The following TFDP1 variants were observed in gnomAD, a reference collection of about 807,000 sequenced individuals.
TFDP1 encodes DRTF1-polypeptide 1.
In TFDP1, 6 loss-of-function variants were observed where a neutral mutation model predicts 48.0. The ratio of observed to expected loss-of-function variants is 0.13; its 90% CI spans 0.07 to 0.25. The LOEUF (loss-of-function observed/expected upper bound fraction) is 0.25, where lower values mean the gene tolerates loss of function less well. TFDP1 is among the 10% of genes least tolerant of loss of function. The pLI, the probability that TFDP1 is intolerant of heterozygous loss-of-function variation, is 1.00. For synonymous variants in TFDP1, 201 were observed against 211.6 expected, an observed-to-expected ratio of 0.95 and a Z score of 0.44; for missense variants, 335 against 543.0, an observed-to-expected ratio of 0.62 and a Z score of 3.81.
intron 3 of TFDP1, among the ~76,000 whole-genome samples, chr13:113,612,979 C>T (rs529721641): frequency 1.3e-4 from 20 of 151,858 alleles, no homozygotes; most frequent in Admixed American, 8.5e-4. Flanking sequence ...CCTCCCCTGC[C>T]CTCACCTGGT....
At position 113,623,185 on chromosome 13, in the gene TFDP1, G is replaced by T. The variant is rs145127789; in HGVS notation, c.85G>T (p.Val29Leu). 1.2e-6 allele frequency: 2 copies of T among 1,612,760 alleles called. No homozygotes were observed. The highest frequency in any genetic ancestry group is 1.1e-5 in the South Asian group (1 of 90,754). ...DQNLSPGKGVVSLVAVHPSTV... is the reference protein window; with the variant it reads ...DQNLSPGKGVLSLVAVHPSTV... ...CTGGTGTCCTTGTGTTGCAGGCGTG[G>T]TGTCCCTCGTGGCCGTTCACCCCTC... is the stretch of plus-strand genomic sequence containing the variant. Residue 29 changes from valine (V) to leucine (L), a missense_variant, in exon 4 of 12, where the codon GTG becomes TTG. Coordinates refer to ENST00000375370, the MANE Select transcript of TFDP1 (RefSeq NM_007111.5). The surrounding 1 kb of genome is among the most constrained non-coding windows in gnomAD (Gnocchi z 5.2).
At chr13:113,632,741 G>A (rs375968166) in intron 5 of TFDP1, among the ~76,000 whole-genome samples, 45 of 152,304 alleles carry the variant, frequency 3.0e-4, no homozygotes, top group African/African-American at 1.1e-3. Context: ...TGGCGCCACC[G>A]CACTCCAGCC....
At chr13:113,597,961 C>T (rs2048325969) in intron 2 of TFDP1, among the ~76,000 whole-genome samples, 1 of 152,190 alleles carries the variant, frequency 6.6e-6, no homozygotes, top group South Asian at 2.1e-4. Flanking sequence ...GTCTCCGAGG[C>T]AGCAGGCCTC....
chr13:113,637,846 G>T lies in TFDP1; in HGVS notation c.1035G>T (p.Val345=), dbSNP rs200035867. The change falls in exon 11 of 12, where the codon GTG becomes GTT. Residue 345 remains valine, a synonymous_variant. Transcript: ENST00000375370. ...TEMAQGTVGG[V]FITTAGSTSN... ...TGGCTCAGGGAACTGTTGGAGGCGTGTTCATCACGACGGCAGGTTCCACGT... is the reference window on the plus strand; with the variant it reads ...TGGCTCAGGGAACTGTTGGAGGCGTTTTCATCACGACGGCAGGTTCCACGT... 7 of 1,614,098 alleles carry T rather than the reference G, an allele frequency of 4.3e-6. No individual in the cohort carries two copies. In the African/African-American group the frequency reaches 8.0e-5, roughly 18 times the overall value.
Position 113,636,756 on chromosome 13 carries a change from C to A in TFDP1, c.1006+56C>A. 8.9e-6 allele frequency: 14 copies of A among 1,570,248 alleles called. No homozygotes were observed. In the South Asian group the frequency reaches 1.5e-4, roughly 17 times the overall value. On this transcript the variant is annotated intron_variant, in intron 10 of 11. Transcript: ENST00000375370. ...TGTGTGAGGAATGGCCCCCAGCCTC[C>A]GACGGTGCCCTCCCCTCCCGGCTCG...
At chr13:113,609,207 G>A (rs1244185855) in intron 2 of TFDP1, among the ~76,000 whole-genome samples, 1 of 152,192 alleles carries the variant, frequency 6.6e-6, no homozygotes, top group African/African-American at 2.4e-5. Context: ...TGCGTCACAC[G>A]CCGTCTGTGG....
At chr13:113,638,183 C>T (rs908964109) in intron 11 of TFDP1, among the ~76,000 whole-genome samples, 7 of 152,216 alleles carry the variant, frequency 4.6e-5, no homozygotes, top group Non-Finnish European at 7.3e-5. Context: ...CTCCTGTCCC[C>T]GGCAGCCCAA....
At chr13:113,592,746 A>G (rs1004185164) in intron 2 of TFDP1, among the ~76,000 whole-genome samples, 2 of 152,236 alleles carry the variant, frequency 1.3e-5, no homozygotes, top group African/African-American at 4.8e-5. Flanking sequence ...CCCAGGTGAC[A>G]GGTGTGGCAT....
intron 2 of TFDP1, among the ~76,000 whole-genome samples, chr13:113,610,331 A>G (rs1476408327): frequency 6.7e-6 from 1 of 149,928 alleles, no homozygotes; most frequent in Non-Finnish European, 1.5e-5. Flanking sequence ...GTGTGACTGT[A>G]CTGTCATGCG....
chr13:113,602,985 A>AAAAAAAAC (rs58126506), intron 2 of TFDP1, among the ~76,000 whole-genome samples: 3 of 146,950 alleles, frequency 2.0e-5, no homozygotes, highest in Non-Finnish European at 4.5e-5. Context: ...AAAAAAAAAA[A>AAAAAAAAC]ACGTATAATT....
At chr13:113,597,918 G>A (rs1198693618) in intron 2 of TFDP1, among the ~76,000 whole-genome samples, 2 of 152,204 alleles carry the variant, frequency 1.3e-5, no homozygotes, top group East Asian at 1.9e-4. Context: ...ATGATTGAGG[G>A]GGTGGCAGGT....
In TFDP1 at chr13:113,627,312, C is replaced by G. The variant is rs2049205853; in HGVS notation, c.186+4026C>G. On this transcript the variant is annotated intron_variant, in intron 4 of 11. Transcript: ENST00000375370. The surrounding 1 kb of genome is among the most constrained non-coding windows in gnomAD (Gnocchi z 4.1). Reference sequence around the variant, plus strand: ...GGTGCTGCAGAGCTCAGCACGCGCACAGGAACGTGTGCGGGACAGAGGACA... The same window carrying G: ...GGTGCTGCAGAGCTCAGCACGCGCAGAGGAACGTGTGCGGGACAGAGGACA... 6.6e-6 allele frequency among the ~76,000 whole-genome samples: 1 copy of G among 152,132 alleles called. No homozygotes were observed. Among genetic ancestry groups the G allele is most frequent in the Non-Finnish European group, 1.5e-5 (1 of 68,014 alleles).
chr13:113,612,862 G>A (rs958121975), intron 3 of TFDP1, among the ~76,000 whole-genome samples: 1 of 152,202 alleles, frequency 6.6e-6, no homozygotes, highest in South Asian at 2.1e-4. Flanking sequence ...CAGCAGGGCC[G>A]TGCATTTCCC....
At chr13:113,636,745 C>T (rs749267122) in intron 10 of TFDP1, 45 bp downstream of exon 10, 5 of 1,585,742 alleles carry the variant, frequency 3.2e-6, no homozygotes, top group Admixed American at 3.5e-5. Flanking sequence ...TGAGGAATGG[C>T]CCCCAGCCTC....
chr13:113,606,950 G>T (rs1430640883), intron 2 of TFDP1, among the ~76,000 whole-genome samples: 1 of 152,192 alleles, frequency 6.6e-6, no homozygotes, highest in East Asian at 1.9e-4. Context: ...TGGAAATTAA[G>T]GTTGAGACTG....
intron 2 of TFDP1, among the ~76,000 whole-genome samples, chr13:113,586,608 C>T (rs951088063): frequency 3.9e-5 from 6 of 152,204 alleles, no homozygotes; most frequent in African/African-American, 9.7e-5. Context: ...ACCTACTTAC[C>T]GCACAGAGTT....
rs889024868 is a variant in TFDP1, at chr13:113,627,966, G to A, written c.187-3657G>A. Among the ~76,000 whole-genome samples the A allele has an allele frequency of 6.6e-6, 1 of 152,334 alleles. No homozygotes were observed. The highest frequency in any genetic ancestry group is 6.5e-5 in the Admixed American group (1 of 15,306). ...CTCCTGGGGGAGGAGGGTTGGTCTC[G>A]GGCAAGGTGGACCTCCGGCAGGTCC... is the stretch of plus-strand genomic sequence containing the variant. On this transcript the variant is annotated intron_variant, in intron 4 of 11. Transcript: ENST00000375370. The surrounding 1 kb of genome is among the most constrained non-coding windows in gnomAD (Gnocchi z 4.1).
rs2049389850 is a variant in TFDP1 at position 113,633,417 on chromosome 13, A to C, written c.474+132A>C. The C allele has an allele frequency of 2.7e-6, 3 of 1,108,462 alleles. No individual in the cohort carries two copies. Among genetic ancestry groups the C allele is most frequent in the Non-Finnish European group, 3.9e-6 (3 of 771,694 alleles). The allele number at this position is 1,108,462 out of a possible 1,614,324, so 68.7% of individuals were successfully genotyped here. A position where few individuals can be genotyped will look rare whatever the true frequency, so the allele number is the denominator to read the frequency against. ...AGTACAGCATAAAAGAATTTTTACC[A>C]AACGAGTCAGTAAGTGTGTGCCGGG... On this transcript the variant is annotated intron_variant, in intron 6 of 11. Coordinates refer to ENST00000375370, the MANE Select transcript of TFDP1 (RefSeq NM_007111.5). This position sits in a 1 kb window ranked among gnomAD's most constrained non-coding sequence, Gnocchi z 4.5.
In TFDP1 at chr13:113,633,794, C is replaced by T. The variant is rs1034700416; in HGVS notation, c.475-96C>T. 1.5e-5 allele frequency: 21 copies of T among 1,446,140 alleles called. No homozygotes were observed. The highest frequency in any genetic ancestry group is 4.3e-5 in the African/African-American group (3 of 70,236). The allele number at this position is 1,446,140 out of a possible 1,614,324, so 89.6% of individuals were successfully genotyped here. ...CATGTTGGGGTGGCGGCTCCGTGAG[C>T]GGGGTGCCCCTTTGAGCCAGTGCCC... On this transcript the variant is annotated intron_variant, in intron 6 of 11. Coordinates refer to ENST00000375370, the MANE Select transcript of TFDP1 (RefSeq NM_007111.5). This position sits in a 1 kb window ranked among gnomAD's most constrained non-coding sequence, Gnocchi z 4.5.
Sources: gnomAD v4.1 joint callset for allele counts (sites outside exome capture counted in the v4.1 genomes callset) on GRCh38, gnomAD v4.1.1 for gene constraint, Gnocchi (gnomAD v3.1) non-coding constraint, MANE v1.5 for transcripts, NCBI Gene and HGNC (gene_info 2026-07-23, HGNC 2026-07-21) for gene names.